Variants in TENM2 observed in about 807,000 individuals in gnomAD.
TENM2 encodes teneurin transmembrane protein 2.
A neutral mutation model predicts 245.2 loss-of-function variants in TENM2; 52 were observed. The ratio of observed to expected loss-of-function variants is 0.21; its 90% CI spans 0.17 to 0.27. The LOEUF (loss-of-function observed/expected upper bound fraction) is 0.27, where lower values mean the gene tolerates loss of function less well. Among genes scored for constraint, TENM2 ranks in the 10% least tolerant of loss-of-function variants. The pLI is 1.00. For missense variants in TENM2, 3,046 were observed against 3,666.8 expected, an observed-to-expected ratio of 0.83 and a Z score of 4.37; for synonymous variants, 1,363 against 1,438.9, an observed-to-expected ratio of 0.95 and a Z score of 1.19.
chr5:167,831,574 A>G (rs1389610505), intron 2 of TENM2, among the ~76,000 whole-genome samples: 1 of 150,516 alleles, frequency 6.6e-6, no homozygotes. Context: ...GTATAAACTC[A>G]TGTCAGAAAA....
intron 5 of TENM2, among the ~76,000 whole-genome samples, chr5:168,027,118 C>CAA (rs1786694152): frequency 6.6e-6 from 1 of 152,000 alleles, no homozygotes; most frequent in Non-Finnish European, 1.5e-5. Context: ...CACACACACA[C>CAA]GTGCATGTGA....
intron 13 of TENM2, 30 bp downstream of exon 15, chr5:168,162,787 C>T (rs1376947615): frequency 6.2e-7 from 1 of 1,610,696 alleles, no homozygotes; most frequent in South Asian, 1.1e-5. Flanking sequence ...TTCCCAGCCC[C>T]TAAGAGCAGA....
At chr5:167,353,510 T>TTTTTTG (rs1561886583) in intron 1 of TENM2, among the ~76,000 whole-genome samples, 1 of 120,178 alleles carries the variant, frequency 8.3e-6, no homozygotes, top group African/African-American at 3.1e-5. Flanking sequence ...GTTTTTTTTT[T>TTTTTTG]TTTTTTTTTT....
chr5:167,659,436 C>T (rs1755060865), intron 2 of TENM2, among the ~76,000 whole-genome samples: 1 of 152,016 alleles, frequency 6.6e-6, no homozygotes, highest in Admixed American at 6.5e-5. Context: ...AATCATAAAT[C>T]AATAAGGAAT....
chr5:167,587,823 G>C (rs1423356058), intron 2 of TENM2, among the ~76,000 whole-genome samples: 1 of 152,194 alleles, frequency 6.6e-6, no homozygotes, highest in Non-Finnish European at 1.5e-5. Flanking sequence ...TGCAGTGAAA[G>C]GTGTAACTAT....
chr5:167,921,615 T>C (rs895721615), intron 3 of TENM2, among the ~76,000 whole-genome samples: 4 of 152,116 alleles, frequency 2.6e-5, no homozygotes, highest in Non-Finnish European at 4.4e-5. Context: ...AGGTGGTACA[T>C]AACTGTTTGA....
intron 2 of TENM2, among the ~76,000 whole-genome samples, chr5:167,564,994 A>G (rs1330070363): frequency 6.6e-6 from 1 of 152,266 alleles, no homozygotes; most frequent in African/African-American, 2.4e-5. Context: ...AATCCCCAGC[A>G]TAAGGAACTG....
intron 5 of TENM2, among the ~76,000 whole-genome samples, chr5:167,995,055 G>A (rs1295764091): frequency 6.6e-6 from 1 of 151,956 alleles, no homozygotes. Flanking sequence ...AATGTTCTGC[G>A]GGGCCAGTGA....
chr5:167,237,871 C>T, the TENM2 span, among the ~76,000 whole-genome samples: 4 of 151,830 alleles, frequency 2.6e-5, no homozygotes, highest in East Asian at 3.9e-4. Flanking sequence ...ATTAGCTGGG[C>T]GTGGTGGCAC....
At chr5:167,536,216 T>C (rs1771830408) in intron 2 of TENM2, among the ~76,000 whole-genome samples, 1 of 152,052 alleles carries the variant, frequency 6.6e-6, no homozygotes, top group Admixed American at 6.5e-5. Flanking sequence ...TAAGCTATAA[T>C]ATACAAAATT....
At chr5:167,233,547 AT>A in the TENM2 span, among the ~76,000 whole-genome samples, 2 of 152,168 alleles carry the variant, frequency 1.3e-5, no homozygotes, top group Admixed American at 6.5e-5. Context: ...AGTTTATTGT[AT>A]TTCAGTCTAA....
intron 2 of TENM2, among the ~76,000 whole-genome samples, chr5:167,394,261 A>G (rs1047753591): frequency 1.3e-5 from 2 of 152,120 alleles, no homozygotes; most frequent in Admixed American, 1.3e-4. Context: ...CAGGTCTTAC[A>G]TTTTAAGTCT....
At chr5:168,171,099 C>T (rs1293478867) in intron 13 of TENM2, among the ~76,000 whole-genome samples, 3 of 152,248 alleles carry the variant, frequency 2.0e-5, no homozygotes, top group Non-Finnish European at 2.9e-5. Context: ...ATCACTGGCT[C>T]AATGTAGTCA....
intron 2 of TENM2, among the ~76,000 whole-genome samples, chr5:167,689,841 A>G (rs1254178391): frequency 6.6e-6 from 1 of 151,960 alleles, no homozygotes; most frequent in African/African-American, 2.4e-5. Context: ...GGCTCCTACA[A>G]TCTCCACCTC....
At chr5:168,139,135 A>C (rs913737087) in intron 12 of TENM2, among the ~76,000 whole-genome samples, 1 of 152,252 alleles carries the variant, frequency 6.6e-6, no homozygotes, top group Non-Finnish European at 1.5e-5. Flanking sequence ...TTCATTTGCA[A>C]CACAATGTAA....
intron 4 of TENM2, among the ~76,000 whole-genome samples, chr5:167,986,800 G>T (rs1375974456): frequency 2.0e-5 from 3 of 152,180 alleles, no homozygotes; most frequent in Non-Finnish European, 4.4e-5. Context: ...CTGAAGGGGA[G>T]AAGCTGTCTT....
chr5:167,913,964 G>A (rs958920241), intron 3 of TENM2, among the ~76,000 whole-genome samples: 2 of 152,194 alleles, frequency 1.3e-5, no homozygotes, highest in Admixed American at 6.5e-5. Flanking sequence ...TGGTGCCTGC[G>A]TCTGGTGAGC....
chr5:167,995,510 G>A (rs1686850835), intron 5 of TENM2, among the ~76,000 whole-genome samples: 1 of 152,126 alleles, frequency 6.6e-6, no homozygotes, highest in South Asian at 2.1e-4. Flanking sequence ...CTGCAGTGAT[G>A]GCAGTGAGCA....
chr5:167,069,237 A>T, the TENM2 span, among the ~76,000 whole-genome samples: 1 of 152,118 alleles, frequency 6.6e-6, no homozygotes, highest in Non-Finnish European at 1.5e-5. Context: ...TGCAAGTTTT[A>T]TTCCTATTGT....
Sources: gnomAD v4.1 joint callset for allele counts (sites outside exome capture counted in the v4.1 genomes callset) on GRCh38, gnomAD v4.1.1 for gene constraint, MANE v1.5 for transcripts, NCBI Gene and HGNC (gene_info 2026-07-23, HGNC 2026-07-21) for gene names.